Variants in NUMA1 observed in about 807,000 individuals in gnomAD.
NUMA1 encodes the protein nuclear mitotic apparatus protein 1.
In NUMA1, 62 loss-of-function variants were observed where a neutral mutation model predicts 237.1. That is an observed-to-expected ratio of 0.26 (90% confidence interval 0.21 to 0.32). The LOEUF (loss-of-function observed/expected upper bound fraction) is 0.32. NUMA1 is among the 10% of genes least tolerant of loss of function. The pLI, the probability that NUMA1 is intolerant of heterozygous loss-of-function variation, is 1.00. For synonymous variants in NUMA1, 1,028 were observed against 1,066.1 expected, an observed-to-expected ratio of 0.96 and a Z score of 0.70; for missense variants, 2,533 against 2,666.5, an observed-to-expected ratio of 0.95 and a Z score of 1.10.
At chr11:72,046,660 C>T (rs978814706) in intron 2 of NUMA1, among the ~76,000 whole-genome samples, 1 of 151,856 alleles carries the variant, frequency 6.6e-6, no homozygotes, top group African/African-American at 2.4e-5. Flanking sequence ...AAAGAAATTA[C>T]TTTAAATTCA....
chr11:72,036,921 G>A (rs540464853), intron 2 of NUMA1, among the ~76,000 whole-genome samples: 13 of 152,112 alleles, frequency 8.5e-5, no homozygotes, highest in Admixed American at 1.3e-4. Flanking sequence ...CCTGCCACAC[G>A]TGCTCAGTCT....
At position 72,003,975 on chromosome 11, in the gene NUMA1, C is replaced by T. The variant is rs1244332942; in HGVS notation, c.6248G>A (p.Gly2083Glu). The change falls in exon 26 of 27, where the codon GGA (glycine) becomes GAA (glutamate). Residue 2083 changes from glycine (G) to glutamate (E), a missense_variant. Gly to Glu is a moderately conservative substitution (Grantham distance 98). Around this residue, in one of 3 missense-constraint regions of NUMA1, gnomAD observed 795 missense variants for 750.8 expected, o/e 1.06. Coordinates refer to ENST00000393695, the MANE Select transcript of NUMA1 (RefSeq NM_006185.4). ...GGCAATGCGCGGAGAACGGCGGGTT[C>T]CACTGCGAGTGTTGGGGGAAGCCTT... The part of the protein sequence containing the change: ...LSKASPNTRS[G>E]TRRSPRIATT... 1.9e-6 allele frequency: 3 copies of T among 1,612,822 alleles called. No homozygotes were observed. The highest frequency in any genetic ancestry group is 2.5e-6 in the Non-Finnish European group (3 of 1,179,552).
intron 5 of NUMA1, among the ~76,000 whole-genome samples, chr11:72,023,867 C>A (rs1419431451): frequency 6.6e-6 from 1 of 152,196 alleles, no homozygotes. Context: ...TGTGCCTCTG[C>A]CCCTACACCT....
intron 20 of NUMA1, chr11:72,007,645 A>G (rs1403958108): frequency 1.6e-6 from 1 of 630,228 alleles, no homozygotes; most frequent in African/African-American, 1.9e-5. Flanking sequence ...AGCTCCTCAT[A>G]GTGGCAATGC....
In NUMA1 at chr11:72,016,263, G is replaced by C; in HGVS notation, c.1243-3C>G. ...GCCTCTTGCTTCAAGGTTTCCAGCTGGTGGTATAAAGAGACAAACTGGGAT... is the reference window on the plus strand; with the variant it reads ...GCCTCTTGCTTCAAGGTTTCCAGCTCGTGGTATAAAGAGACAAACTGGGAT... On this transcript the variant is annotated splice_region_variant and splice_polypyrimidine_tract_variant and intron_variant, in intron 14 of 26. Coordinates refer to ENST00000393695, the MANE Select transcript of NUMA1 (RefSeq NM_006185.4). The C allele has an allele frequency of 6.3e-7, 1 of 1,592,406 alleles. No individual in the cohort carries two copies. The highest frequency in any genetic ancestry group is 8.6e-7 in the Non-Finnish European group (1 of 1,165,650).
chr11:72,008,747 G>A lies in NUMA1; in HGVS notation c.5157C>T (p.Asp1719=). Residue 1719 remains aspartate (D), a synonymous_variant, in exon 20 of 27, where the codon GAC becomes GAT. Transcript: ENST00000393695. ...SREPQAKPQL[D]LSIDSLDLSC... Reference sequence around the variant, plus strand: ...TCAGATCCAGGCTGTCAATACTCAAGTCCAGCTGGGGCTTAGCCTGGGGCT... The same window carrying A: ...TCAGATCCAGGCTGTCAATACTCAAATCCAGCTGGGGCTTAGCCTGGGGCT... The A allele has an allele frequency of 6.2e-7, 1 of 1,614,118 alleles. No homozygotes were observed. The highest frequency in any genetic ancestry group is 1.3e-5 in the African/African-American group (1 of 75,018).
intron 2 of NUMA1, among the ~76,000 whole-genome samples, chr11:72,048,988 T>C (rs936486742): frequency 6.6e-6 from 1 of 152,106 alleles, no homozygotes; most frequent in Non-Finnish European, 1.5e-5. Flanking sequence ...GCAGTGTTGG[T>C]AAGTCTGAGG....
intron 17 of NUMA1, among the ~76,000 whole-genome samples, chr11:72,009,804 G>A (rs936217537): frequency 2.6e-5 from 4 of 152,220 alleles, no homozygotes; most frequent in Non-Finnish European, 4.4e-5. Context: ...ACTCTGAGAA[G>A]TCACTTCACC....
Position 72,007,497 on chromosome 11 carries a change from T to A in NUMA1, c.5217-62A>T. On this transcript the variant is annotated intron_variant, in intron 20 of 26. Coordinates refer to ENST00000393695, the MANE Select transcript of NUMA1 (RefSeq NM_006185.4). ...CGCTAGAAGGCATTTTGTCCAGCCC[T>A]TTTTGAAAGTGACCATTTCCCATCC... 2 of 1,581,064 alleles carry A rather than the reference T, an allele frequency of 1.3e-6. 1 individual carries two copies. The highest frequency in any genetic ancestry group is 2.3e-5 in the South Asian group (2 of 87,516).
At chr11:72,026,097 C>A (rs781020194) in intron 4 of NUMA1, among the ~76,000 whole-genome samples, 4 of 152,200 alleles carry the variant, frequency 2.6e-5, no homozygotes, top group African/African-American at 9.7e-5. Context: ...CCTTTTCCCC[C>A]ACCCCCTACA....
chr11:72,065,276 TAA>T (rs1410210134), intron 2 of NUMA1: 1 of 152,122 alleles, frequency 6.6e-6, no homozygotes, highest in Non-Finnish European at 1.5e-5. Context: ...AGAATTAGGG[TAA>T]AGACTTATTT....
At chr11:72,075,225 C>T (rs1017851068) in intron 1 of NUMA1, among the ~76,000 whole-genome samples, 9 of 152,118 alleles carry the variant, frequency 5.9e-5, no homozygotes, top group East Asian at 1.9e-4. Flanking sequence ...TGTTATGCTC[C>T]GCTTTGTGAT....
chr11:72,052,776 A>G (rs1237406826), intron 2 of NUMA1, among the ~76,000 whole-genome samples: 1 of 152,148 alleles, frequency 6.6e-6, no homozygotes, highest in Non-Finnish European at 1.5e-5. Flanking sequence ...ATCTCAAAAA[A>G]AAAAACAAGG....
rs1955599304 is a variant in NUMA1 at position 72,005,122 on chromosome 11, C to T, written c.5829+111G>A. On this transcript the variant is annotated intron_variant, in intron 23 of 26. Coordinates refer to ENST00000393695, the MANE Select transcript of NUMA1 (RefSeq NM_006185.4). ...GGAAACATGAGAAGGTCACCCTCCC[C>T]CTCCTCGGCCAGTCAGTGATCCAGG... The T allele has an allele frequency of 3.2e-6, 4 of 1,257,026 alleles. No individual in the cohort carries two copies. The African/African-American group carries it at 4.6e-5, about 14-fold the overall frequency. 77.9% of individuals were successfully genotyped at this position (1,257,026 alleles called of 1,614,324 possible). A position where few individuals can be genotyped will look rare whatever the true frequency, so the allele number is the denominator to read the frequency against.
chr11:72,005,756 C>T, intron 22 of NUMA1: 1 of 506,318 alleles, frequency 2.0e-6, no homozygotes. Flanking sequence ...CAGCCCATCA[C>T]CGCCTGAGAA....
At chr11:72,027,394 C>T (rs1296472471) in intron 4 of NUMA1, among the ~76,000 whole-genome samples, 1 of 151,216 alleles carries the variant, frequency 6.6e-6, no homozygotes, top group Non-Finnish European at 1.5e-5. Context: ...ACAGGTGGTA[C>T]ACAACCCCAA....
In NUMA1 at chr11:72,013,678, C is replaced by T. The variant is rs1294028977; in HGVS notation, c.3825G>A (p.Glu1275=). ...CAGCTCTGGCACTGTTGCTGGCTGT[C>T]TCTGCCTGCAGCAGGCGCAGCCTCT... The part of the protein sequence containing the change: ...LEERLRLLQA[E]TASNSARAAE... The change falls in exon 15 of 27, where the codon GAG becomes GAA. Residue 1275 remains glutamate, a synonymous_variant. Coordinates refer to ENST00000393695, the MANE Select transcript of NUMA1 (RefSeq NM_006185.4). The surrounding 1 kb of genome is among the most constrained non-coding windows in gnomAD (Gnocchi z 6.8). 1 of 1,609,438 alleles carries T rather than the reference C, an allele frequency of 6.2e-7. No homozygotes were observed. Among genetic ancestry groups the T allele is most frequent in the Non-Finnish European group, 8.5e-7 (1 of 1,179,974 alleles).
At chr11:72,035,357 C>G (rs959004417) in intron 3 of NUMA1, among the ~76,000 whole-genome samples, 1 of 151,520 alleles carries the variant, frequency 6.6e-6, no homozygotes, top group African/African-American at 2.4e-5. Context: ...CTTTGAAGAC[C>G]AAAGTCCCTG....
At chr11:72,073,217 G>T (rs192480999) in intron 1 of NUMA1, among the ~76,000 whole-genome samples, 1 of 150,910 alleles carries the variant, frequency 6.6e-6, no homozygotes, top group African/African-American at 2.4e-5. Context: ...AAAATTAGCC[G>T]GGTGTAGTCC....
Sources: gnomAD v4.1 joint callset for allele counts (sites outside exome capture counted in the v4.1 genomes callset) on GRCh38, gnomAD v4.1.1 for gene constraint, gnomAD v4.1.1 regional missense constraint, Gnocchi (gnomAD v3.1) non-coding constraint, MANE v1.5 for transcripts, NCBI Gene and HGNC (gene_info 2026-07-23, HGNC 2026-07-21) for gene names.